A1CF: variants seen among roughly 807,000 people sequenced by gnomAD.
A1CF encodes the protein APOBEC1 complementation factor.
A1CF carries 48 observed loss-of-function variants against 68.9 expected under a neutral mutation model. That is an observed-to-expected ratio of 0.70 (90% CI 0.55 to 0.89). The LOEUF is 0.89. Among genes scored for constraint, A1CF ranks in the 40% least tolerant of loss-of-function variants. The probability of loss-of-function intolerance (pLI) is 0.00; values close to 1 mark genes in which losing one functional copy is unlikely to be tolerated. For missense variants in A1CF, 653 were observed against 718.9 expected, an observed-to-expected ratio of 0.91 and a Z score of 1.05; for synonymous variants, 272 against 260.4, an observed-to-expected ratio of 1.04 and a Z score of -0.43.
At chr10:50,866,925 G>A (rs918432844) in intron 1 of A1CF, among the ~76,000 whole-genome samples, 9 of 151,962 alleles carry the variant, frequency 5.9e-5, no homozygotes, top group Admixed American at 4.6e-4. Context: ...ATGTTGCCCA[G>A]GTTGGTCTCG....
At chr10:50,874,829 A>C (rs1841432675) in intron 1 of A1CF, among the ~76,000 whole-genome samples, 1 of 152,212 alleles carries the variant, frequency 6.6e-6, no homozygotes, top group African/African-American at 2.4e-5. Context: ...AATAGCCATG[A>C]CATACAGAAG....
rs1363546139 is a variant in A1CF, at chr10:50,828,160, A to G, written c.740T>C (p.Ile247Thr). 24 of 1,590,264 alleles carry G rather than the reference A, an allele frequency of 1.5e-5. No homozygotes were observed. Among genetic ancestry groups the G allele is most frequent in the Admixed American group, 1.7e-5 (1 of 58,488 alleles). Residue 247 changes from isoleucine (I) to threonine (T), a missense_variant, in exon 7 of 13, where the codon ATT (isoleucine) becomes ACT (threonine). Physicochemically the swap from Ile to Thr is moderately conservative, Grantham distance 89. Coordinates refer to ENST00000373997, the MANE Select transcript of A1CF (RefSeq NM_014576.4). Reference sequence around the variant, plus strand: ...TTTGATATTGTTGAATTCCTTTTCAATCATCTCTTCAGAGGTAGACAGCAT... The same window carrying G: ...TTTGATATTGTTGAATTCCTTTTCAGTCATCTCTTCAGAGGTAGACAGCAT... Reference protein sequence around the residue: ...NLMLSTSEEMIEKEFNNIKPG... With the variant: ...NLMLSTSEEMTEKEFNNIKPG...
chr10:50,869,133 TA>T (rs1233959149), intron 1 of A1CF, among the ~76,000 whole-genome samples: 12 of 148,852 alleles, frequency 8.1e-5, no homozygotes, highest in South Asian at 2.1e-4. Flanking sequence ...TCCCTGAACT[TA>T]AAAAAAAAAG....
Position 50,844,114 on chromosome 10 carries a change from TC to T in A1CF, c.107del (p.Gly36AspfsTer50). Reference protein sequence around the residue: ...RTGYSLVQENGQRKYGGPPPG... With the variant: ...RTGYSLVQENXQRKYGGPPPG... ...GTGGAGGGCCACCATATTTTCTTTGTCCATTTTCCTGCAAATCCAGGGCAGG... is the reference window on the plus strand; with the variant it reads ...GTGGAGGGCCACCATATTTTCTTTGTCATTTTCCTGCAAATCCAGGGCAGG... On this transcript the variant is annotated frameshift_variant, in exon 4 of 13. Coordinates refer to ENST00000373997, the MANE Select transcript of A1CF (RefSeq NM_014576.4). LOFTEE classifies it high-confidence loss of function. The T allele has an allele frequency of 6.2e-7, 1 of 1,611,610 alleles. No homozygotes were observed. Among genetic ancestry groups the T allele is most frequent in the Non-Finnish European group, 8.5e-7 (1 of 1,179,374 alleles).
chr10:50,831,352 G>A (rs1678354256), intron 6 of A1CF, among the ~76,000 whole-genome samples: 1 of 152,190 alleles, frequency 6.6e-6, no homozygotes, highest in Non-Finnish European at 1.5e-5. Context: ...TATTTACAAA[G>A]CATACATTTG....
chr10:50,853,208 C>T (rs986960658), intron 3 of A1CF, among the ~76,000 whole-genome samples: 13 of 152,138 alleles, frequency 8.5e-5, no homozygotes, highest in African/African-American at 3.1e-4. Context: ...GACTTATCTG[C>T]TGTAATCTCA....
rs574321589 is a variant in A1CF, at chr10:50,834,460, A to G, written c.604+1614T>C. ...ATAAACGAGACAGACATAAGCATGG[A>G]AGTGTCTAGGTCATTGAGGTGTCTG... On this transcript the variant is annotated intron_variant, in intron 6 of 12. Transcript: ENST00000373997. 8.7e-4 allele frequency among the ~76,000 whole-genome samples: 133 copies of G among 152,316 alleles called. 1 individual carries two copies. The Middle Eastern group carries it at 0.017, about 19-fold the overall frequency.
chr10:50,806,630 A>G lies in A1CF; in HGVS notation c.*99T>C. Reference sequence around the variant, plus strand: ...CTGGAAAGGCATTTCTTTAGGAAACATATTATTTATGATCATTGGGGACCG... The same window carrying G: ...CTGGAAAGGCATTTCTTTAGGAAACGTATTATTTATGATCATTGGGGACCG... On this transcript the variant is annotated 3_prime_UTR_variant, in exon 13 of 13. Transcript: ENST00000373997. The G allele has an allele frequency of 8.7e-7, 1 of 1,155,936 alleles. No homozygotes were observed. Among genetic ancestry groups the G allele is most frequent in the Non-Finnish European group, 1.2e-6 (1 of 854,742 alleles). 71.6% of individuals were successfully genotyped at this position (1,155,936 alleles called of 1,614,324 possible).
intron 1 of A1CF, among the ~76,000 whole-genome samples, chr10:50,875,646 T>C (rs1288950314): frequency 6.6e-6 from 1 of 152,222 alleles, no homozygotes; most frequent in Non-Finnish European, 1.5e-5. Context: ...TTTCTGCTTT[T>C]GGTACATATG....
intron 3 of A1CF, among the ~76,000 whole-genome samples, chr10:50,851,475 TTAAA>T (rs1840237191): frequency 6.6e-6 from 1 of 152,236 alleles, no homozygotes; most frequent in African/African-American, 2.4e-5. Flanking sequence ...ACTTTGTTAC[TTAAA>T]TAAGCTTATA....
chr10:50,807,002 T>A (rs1416999991), intron 12 of A1CF, 122 bp from the exon 13 acceptor site: 1 of 1,023,034 alleles, frequency 9.8e-7, no homozygotes, highest in Non-Finnish European at 1.4e-6. Flanking sequence ...AGTTAATATA[T>A]ATGTTTTAAA....
chr10:50,807,915 T>C (rs1185091942), intron 12 of A1CF, among the ~76,000 whole-genome samples: 2 of 152,180 alleles, frequency 1.3e-5, no homozygotes, highest in Admixed American at 1.3e-4. Context: ...AGGAAGCTGG[T>C]TGGATTATTT....
chr10:50,816,265 G>A lies in A1CF; in HGVS notation c.882C>T (p.Ser294=), dbSNP rs142026324. The A allele has an allele frequency of 4.5e-3, 7,240 of 1,613,282 alleles. 26 individuals are homozygous for A. Among genetic ancestry groups the A allele is most frequent in the Non-Finnish European group, 5.8e-3 (6,795 of 1,179,590 alleles). The part of the protein sequence containing the change: ...KALNGKVLDG[S]PIEVTLAKPV... ...GTTTTGCTAGGGTGACTTCAATGGG[G>A]GAACCATCCAGCACCTGTTGTAGAG... The change falls in exon 9 of 13, where the codon TCC becomes TCT. Residue 294 remains serine (S), a synonymous_variant. Coordinates refer to ENST00000373997, the MANE Select transcript of A1CF (RefSeq NM_014576.4).
chr10:50,881,269 G>A (rs74531703), intron 1 of A1CF, among the ~76,000 whole-genome samples: 9 of 152,142 alleles, frequency 5.9e-5, no homozygotes, highest in Non-Finnish European at 1.2e-4. Context: ...AATTACAGGC[G>A]TGAGCCACTG....
chr10:50,871,777 T>C (rs1359019076), intron 1 of A1CF, among the ~76,000 whole-genome samples: 1 of 152,016 alleles, frequency 6.6e-6, no homozygotes, highest in East Asian at 1.9e-4. Flanking sequence ...GCATTCTAAA[T>C]GGAATAAAGA....
intron 9 of A1CF, among the ~76,000 whole-genome samples, chr10:50,815,029 T>C (rs1441148356): frequency 6.6e-6 from 1 of 152,198 alleles, no homozygotes; most frequent in East Asian, 1.9e-4. Context: ...TTAGTTATAC[T>C]GAAAAGTAGT....
intron 3 of A1CF, among the ~76,000 whole-genome samples, chr10:50,851,576 A>G (rs1840241558): frequency 6.6e-6 from 1 of 152,154 alleles, no homozygotes; most frequent in Non-Finnish European, 1.5e-5. Flanking sequence ...AATTGCAAAC[A>G]AGGGAAATCA....
intron 1 of A1CF, among the ~76,000 whole-genome samples, chr10:50,867,264 T>C (rs550455275): frequency 1.2e-4 from 18 of 152,088 alleles, no homozygotes; most frequent in Non-Finnish European, 2.1e-4. Flanking sequence ...AGATATGGAA[T>C]CAACCTAAGT....
intron 1 of A1CF, among the ~76,000 whole-genome samples, chr10:50,880,782 C>T (rs1359718351): frequency 6.6e-6 from 1 of 152,152 alleles, no homozygotes; most frequent in Non-Finnish European, 1.5e-5. Context: ...TTCATTTGTG[C>T]ACAATGTTTT....
Sources: gnomAD v4.1 joint callset for allele counts (sites outside exome capture counted in the v4.1 genomes callset) on GRCh38, gnomAD v4.1.1 for gene constraint, MANE v1.5 for transcripts, NCBI Gene and HGNC (gene_info 2026-07-23, HGNC 2026-07-21) for gene names.